Variants in SPOCK3 observed in about 807,000 individuals in gnomAD.
SPOCK3 encodes the protein testican-3.
Under a neutral mutation model 56.6 loss-of-function variants are expected in SPOCK3, and 30 were observed. That is an observed-to-expected ratio of 0.53 (90% confidence interval 0.40 to 0.72). The LOEUF (loss-of-function observed/expected upper bound fraction) is 0.72, where lower values mean the gene tolerates loss of function less well. Among genes scored for constraint, SPOCK3 ranks in the 30% least tolerant of loss-of-function variants. The pLI is 0.00. For missense variants in SPOCK3, 527 were observed against 530.0 expected (o/e 0.99, Z 0.06); for synonymous variants, 196 against 183.3 (o/e 1.07, Z -0.56).
intron 2 of SPOCK3, among the ~76,000 whole-genome samples, chr4:167,114,702 T>TA (rs1317681200): frequency 6.6e-6 from 1 of 152,084 alleles, no homozygotes; most frequent in Non-Finnish European, 1.5e-5. Flanking sequence ...TTTCTGAAAA[T>TA]AAATAACTCT....
At chr4:167,052,852 C>T (rs977126611) in intron 3 of SPOCK3, among the ~76,000 whole-genome samples, 2 of 152,146 alleles carry the variant, frequency 1.3e-5, no homozygotes, top group African/African-American at 4.8e-5. Flanking sequence ...TCTACATAAA[C>T]TATTCCTTAA....
intron 4 of SPOCK3, among the ~76,000 whole-genome samples, chr4:166,984,767 C>T (rs1213592380): frequency 2.0e-5 from 3 of 152,064 alleles, no homozygotes; most frequent in African/African-American, 7.2e-5. Context: ...CTCTTAGCAG[C>T]AATGTTGTTT....
At chr4:166,744,838 G>T (rs571636798) in intron 8 of SPOCK3, among the ~76,000 whole-genome samples, 1 of 152,200 alleles carries the variant, frequency 6.6e-6, no homozygotes, top group African/African-American at 2.4e-5. Flanking sequence ...TACGTGATGC[G>T]TGCATAAGCT....
intron 2 of SPOCK3, among the ~76,000 whole-genome samples, chr4:167,066,933 C>T (rs866527074): frequency 5.3e-5 from 8 of 151,882 alleles, no homozygotes; most frequent in South Asian, 2.1e-4. Context: ...TAAGCTTACA[C>T]GGAAAGGTCA....
At chr4:167,003,880 T>C (rs1407036284) in intron 3 of SPOCK3, among the ~76,000 whole-genome samples, 3 of 152,222 alleles carry the variant, frequency 2.0e-5, no homozygotes, top group Non-Finnish European at 4.4e-5. Flanking sequence ...ACATTCGCAG[T>C]GTAGGATCTC....
intron 2 of SPOCK3, among the ~76,000 whole-genome samples, chr4:167,216,088 C>G (rs954195152): frequency 6.6e-6 from 1 of 152,082 alleles, no homozygotes; most frequent in Non-Finnish European, 1.5e-5. Flanking sequence ...TTCTGTGTCT[C>G]ACTTCAGACT....
At chr4:166,895,201 A>G (rs1735243141) in intron 5 of SPOCK3, among the ~76,000 whole-genome samples, 1 of 152,084 alleles carries the variant, frequency 6.6e-6, no homozygotes, top group African/African-American at 2.4e-5. Flanking sequence ...TATGATTAAT[A>G]AAATCATTTT....
intron 4 of SPOCK3, among the ~76,000 whole-genome samples, chr4:166,966,302 A>C (rs1450713573): frequency 7.9e-5 from 12 of 151,138 alleles, no homozygotes; most frequent in Non-Finnish European, 4.4e-5. Context: ...CTCATTATTG[A>C]AAATATATGC....
intron 4 of SPOCK3, among the ~76,000 whole-genome samples, chr4:166,928,030 C>A (rs1166838119): frequency 6.6e-6 from 1 of 152,104 alleles, no homozygotes; most frequent in East Asian, 1.9e-4. Flanking sequence ...CATGGGATAG[C>A]ACTATAAACT....
At chr4:167,230,511 A>AAG (rs1348206447) in intron 2 of SPOCK3, among the ~76,000 whole-genome samples, 1 of 151,348 alleles carries the variant, frequency 6.6e-6, no homozygotes, top group African/African-American at 2.4e-5. Context: ...AAAAAAAAAA[A>AAG]AAAAAAAAAC....
chr4:166,969,569 T>C (rs921443544), intron 4 of SPOCK3, among the ~76,000 whole-genome samples: 1 of 152,222 alleles, frequency 6.6e-6, no homozygotes, highest in African/African-American at 2.4e-5. Context: ...GTTTAGCACT[T>C]CCCCCTTAAT....
chr4:167,164,731 G>A (rs1051520725), intron 2 of SPOCK3, among the ~76,000 whole-genome samples: 9 of 151,982 alleles, frequency 5.9e-5, no homozygotes, highest in Non-Finnish European at 1.3e-4. Context: ...TGAGAATGAC[G>A]GCTTCCAGTA....
At chr4:167,077,962 C>T (rs939399379) in intron 2 of SPOCK3, among the ~76,000 whole-genome samples, 2 of 151,772 alleles carry the variant, frequency 1.3e-5, no homozygotes, top group Non-Finnish European at 2.9e-5. Flanking sequence ...CCATGGTAGC[C>T]TGTAACCACT....
intron 4 of SPOCK3, among the ~76,000 whole-genome samples, chr4:166,992,342 G>T (rs1747881612): frequency 6.6e-6 from 1 of 152,060 alleles, no homozygotes; most frequent in African/African-American, 2.4e-5. Context: ...TTTTAAAATT[G>T]CTATCACTGA....
rs148915732 is a variant in SPOCK3, at chr4:166,985,149, T to C, written c.350+15200A>G. Among the ~76,000 whole-genome samples, 1,178 of 152,270 alleles carry C rather than the reference T, an allele frequency of 7.7e-3. 12 individuals are homozygous for C. The highest frequency in any genetic ancestry group is 0.027 in the African/African-American group (1,108 of 41,574). On this transcript the variant is annotated intron_variant, in intron 4 of 10. Coordinates refer to ENST00000357545, the MANE Select transcript of SPOCK3 (RefSeq NM_001040159.2). ...ATCACTACAGAAGTTGGGAAAGAAA[T>C]TGACTTAAACTCTGGCTTATTTTCT... is the stretch of plus-strand genomic sequence containing the variant.
At chr4:167,006,513 C>T (rs980307139) in intron 3 of SPOCK3, among the ~76,000 whole-genome samples, 1 of 152,052 alleles carries the variant, frequency 6.6e-6, no homozygotes, top group African/African-American at 2.4e-5. Context: ...CATTCTTATG[C>T]TTACATATGT....
chr4:166,799,297 C>T (rs1277959081), intron 6 of SPOCK3, among the ~76,000 whole-genome samples: 4 of 152,202 alleles, frequency 2.6e-5, no homozygotes, highest in Non-Finnish European at 5.9e-5. Context: ...TGCTCCTGCA[C>T]AGCCTCCTTT....
At chr4:166,917,530 T>C (rs1053241600) in intron 4 of SPOCK3, among the ~76,000 whole-genome samples, 3 of 152,172 alleles carry the variant, frequency 2.0e-5, no homozygotes, top group African/African-American at 7.2e-5. Flanking sequence ...TGTATGACTT[T>C]CAGAGAATTA....
chr4:166,868,370 G>A (rs1306991280), intron 6 of SPOCK3, among the ~76,000 whole-genome samples: 3 of 152,020 alleles, frequency 2.0e-5, no homozygotes, highest in Admixed American at 6.6e-5. Context: ...TGGGGTGGGA[G>A]GATTGCGTAG....
Sources: allele counts gnomAD v4.1 joint callset (sites outside exome capture counted in the v4.1 genomes callset), GRCh38; gene constraint gnomAD v4.1.1; transcripts MANE v1.5; gene names NCBI Gene and HGNC (gene_info 2026-07-23, HGNC 2026-07-21).